The following JARID2 variants were observed in gnomAD, a reference collection of about 807,000 sequenced individuals.
JARID2 encodes the protein jumonji and AT-rich interaction domain containing 2.
A neutral mutation model predicts 125.6 loss-of-function variants in JARID2; 21 were observed. That is an observed-to-expected ratio of 0.17 (90% CI 0.12 to 0.24). The LOEUF is 0.24. JARID2 is among the 10% of genes least tolerant of loss of function. The pLI is 1.00. For synonymous variants in JARID2, 736 were observed against 661.6 expected (o/e 1.11, Z -1.73); for missense variants, 1,303 against 1,639.6 (o/e 0.79, Z 3.55).
chr6:15,420,758 G>T (rs1213275835), intron 3 of JARID2, among the ~76,000 whole-genome samples: 1 of 152,158 alleles, frequency 6.6e-6, no homozygotes, highest in Non-Finnish European at 1.5e-5. Flanking sequence ...TTTCAAGCAT[G>T]GTTAGGTAGG....
intron 4 of JARID2, among the ~76,000 whole-genome samples, chr6:15,461,993 G>C (rs1768474003): frequency 6.6e-6 from 1 of 151,690 alleles, no homozygotes; most frequent in Admixed American, 6.6e-5. Flanking sequence ...TTTGTGTTTT[G>C]CTCATGCTAT....
rs1437489919 is a variant in JARID2 at position 15,468,253 on chromosome 6, TTTG to T, written c.494-286_494-284del. On this transcript the variant is annotated intron_variant, in intron 4 of 17. Transcript: ENST00000341776. ...GTAGGTGTTTTTATTTTATTATTTT[TTTG>T]TTCCATCCTTGGAGGTGTTTGTTTT... 2.6e-5 allele frequency among the ~76,000 whole-genome samples: 4 copies of T among 152,066 alleles called. No homozygotes were observed. In the East Asian group the frequency reaches 7.7e-4, roughly 29 times the overall value.
intron 1 of JARID2, among the ~76,000 whole-genome samples, chr6:15,345,225 C>T (rs1763205057): frequency 6.6e-6 from 1 of 152,094 alleles, no homozygotes; most frequent in Admixed American, 6.5e-5. Flanking sequence ...TCAAGAGGTG[C>T]TGGAGCAGAT....
intron 1 of JARID2, among the ~76,000 whole-genome samples, chr6:15,323,087 G>GT (rs1238403740): frequency 6.6e-6 from 1 of 152,224 alleles, no homozygotes; most frequent in Non-Finnish European, 1.5e-5. Context: ...CAACATTCTG[G>GT]TTGTAGGTTT....
At chr6:15,302,426 AAG>A (rs987363822) in intron 1 of JARID2, among the ~76,000 whole-genome samples, 2 of 152,186 alleles carry the variant, frequency 1.3e-5, no homozygotes, top group South Asian at 2.1e-4. Flanking sequence ...GGAAAAAAAA[AAG>A]AGTAAGGAAG....
intron 3 of JARID2, among the ~76,000 whole-genome samples, chr6:15,448,099 T>TTCAGGCC (rs1272411310): frequency 6.6e-6 from 1 of 152,228 alleles, no homozygotes; most frequent in Non-Finnish European, 1.5e-5. Context: ...ATACAGGTTC[T>TTCAGGCC]TCTGGCCTCT....
chr6:15,372,180 T>C (rs1453770343), intron 1 of JARID2, among the ~76,000 whole-genome samples: 2 of 152,174 alleles, frequency 1.3e-5, no homozygotes, highest in African/African-American at 2.4e-5. Flanking sequence ...AGACTTCTCA[T>C]TGAGTCCCAT....
rs546038696 is a variant in JARID2, at chr6:15,462,655, A to G, written c.494-5887A>G. Among the ~76,000 whole-genome samples the G allele has an allele frequency of 4.6e-5, 7 of 152,348 alleles. No individual in the cohort carries two copies. The South Asian group carries it at 8.3e-4, about 18-fold the overall frequency. The stretch of plus-strand genomic sequence containing the variant: ...AACACAAACTCAGTGGGCCAGCCCC[A>G]TGGTAATTGGGTCAAGCAATAGAAT... On this transcript the variant is annotated intron_variant, in intron 4 of 17. Coordinates refer to ENST00000341776, the MANE Select transcript of JARID2 (RefSeq NM_004973.4).
chr6:15,313,214 G>A (rs1421267742), intron 1 of JARID2, among the ~76,000 whole-genome samples: 2 of 152,146 alleles, frequency 1.3e-5, no homozygotes, highest in Non-Finnish European at 2.9e-5. Flanking sequence ...AAGGAGCCAT[G>A]GCACCCCAAG....
intron 2 of JARID2, among the ~76,000 whole-genome samples, chr6:15,391,792 C>CACTAGATCTTATGT (rs1765020197): frequency 6.6e-6 from 1 of 152,196 alleles, no homozygotes; most frequent in Admixed American, 6.5e-5. Context: ...TTATGTAAAA[C>CACTAGATCTTATGT]AAAACACTAG....
intron 1 of JARID2, among the ~76,000 whole-genome samples, chr6:15,373,759 A>G (rs548686259): frequency 6.6e-6 from 1 of 152,258 alleles, no homozygotes; most frequent in African/African-American, 2.4e-5. Context: ...ATAAAACTCA[A>G]GTAAAATGAT....
intron 2 of JARID2, among the ~76,000 whole-genome samples, chr6:15,388,791 T>C (rs1764889512): frequency 6.6e-6 from 1 of 152,126 alleles, no homozygotes; most frequent in African/African-American, 2.4e-5. Context: ...CCCCGTAGCT[T>C]CTCTCCCTGA....
rs1312968604 is a variant in JARID2 at position 15,501,511 on chromosome 6, C to G, written c.2448+102C>G. On this transcript the variant is annotated intron_variant, in intron 8 of 17. Transcript: ENST00000341776. ...GCACTGGACGGTGTGTTCTCTGATTCCCTGGGGTGATGAGGGGGCGGGCCA... is the reference window on the plus strand; with the variant it reads ...GCACTGGACGGTGTGTTCTCTGATTGCCTGGGGTGATGAGGGGGCGGGCCA... 5.0e-6 allele frequency: 6 copies of G among 1,194,470 alleles called. No homozygotes were observed. In the East Asian group the frequency reaches 1.5e-4, roughly 30 times the overall value. The allele number at this position is 1,194,470 out of a possible 1,614,324, so 74.0% of individuals were successfully genotyped here.
At chr6:15,441,914 C>G (rs1028923151) in intron 3 of JARID2, among the ~76,000 whole-genome samples, 4 of 152,096 alleles carry the variant, frequency 2.6e-5, no homozygotes, top group Non-Finnish European at 5.9e-5. Flanking sequence ...GCCTCAGCCT[C>G]CTGAGTATCT....
At chr6:15,311,890 A>C (rs560399693) in intron 1 of JARID2, among the ~76,000 whole-genome samples, 205 of 152,290 alleles carry the variant, frequency 1.3e-3, no homozygotes, top group Admixed American at 2.8e-3. Context: ...CATTTGGACC[A>C]GGTCCCTGGA....
At chr6:15,318,465 T>C (rs1426875471) in intron 1 of JARID2, among the ~76,000 whole-genome samples, 2 of 152,226 alleles carry the variant, frequency 1.3e-5, no homozygotes, top group African/African-American at 4.8e-5. Flanking sequence ...TTCCAGGTTT[T>C]TGTTGTTTTT....
At chr6:15,275,389 A>T (rs555645375) in intron 1 of JARID2, among the ~76,000 whole-genome samples, 1 of 152,212 alleles carries the variant, frequency 6.6e-6, no homozygotes, top group South Asian at 2.1e-4. Flanking sequence ...TCTTCATTAG[A>T]TACTGATACC....
intron 2 of JARID2, among the ~76,000 whole-genome samples, chr6:15,388,674 CATTCTTGATT>C (rs1173039256): frequency 2.0e-5 from 3 of 151,314 alleles, no homozygotes; most frequent in Non-Finnish European, 4.4e-5. Flanking sequence ...AGTGACATCC[CATTCTTGATT>C]ATAAACCGGC....
chr6:15,359,061 G>A (rs1402195791), intron 1 of JARID2, among the ~76,000 whole-genome samples: 1 of 152,224 alleles, frequency 6.6e-6, no homozygotes, highest in Non-Finnish European at 1.5e-5. Flanking sequence ...GTGGTGATAA[G>A]AAGACTTGTT....
Sources: allele counts gnomAD v4.1 joint callset (sites outside exome capture counted in the v4.1 genomes callset), GRCh38; gene constraint gnomAD v4.1.1; transcripts MANE v1.5; gene names NCBI Gene and HGNC (gene_info 2026-07-23, HGNC 2026-07-21).